Variants in CUL2 observed in about 807,000 individuals in gnomAD.
The protein encoded by CUL2 is cullin-2.
A neutral mutation model predicts 110.2 loss-of-function variants in CUL2; 22 were observed. The ratio of observed to expected loss-of-function variants is 0.20; its 90% CI spans 0.14 to 0.28. CUL2 has a LOEUF of 0.28. CUL2 is among the 10% of genes least tolerant of loss of function. The pLI, the probability that CUL2 is intolerant of heterozygous loss-of-function variation, is 1.00. For missense variants in CUL2, 631 were observed against 905.5 expected, an observed-to-expected ratio of 0.70 and a Z score of 3.89; for synonymous variants, 279 against 293.2, an observed-to-expected ratio of 0.95 and a Z score of 0.49.
chr10:35,106,931 G>C (rs1341371681), intron 1 of CUL2, among the ~76,000 whole-genome samples: 1 of 151,402 alleles, frequency 6.6e-6, no homozygotes, highest in Non-Finnish European at 1.5e-5. Context: ...GATAAATTAT[G>C]TCTGCATTGC....
At chr10:35,064,081 C>A (rs1254711077) in intron 2 of CUL2, 2 of 152,186 alleles carry the variant, frequency 1.3e-5, no homozygotes, top group East Asian at 3.9e-4. Context: ...AGTACGATGA[C>A]CACCACCAAG....
At chr10:35,043,850 C>T (rs540408377) in intron 8 of CUL2, among the ~76,000 whole-genome samples, 2 of 151,942 alleles carry the variant, frequency 1.3e-5, no homozygotes, top group African/African-American at 4.8e-5. Flanking sequence ...GAGGACTGCT[C>T]AAGTTGAGGA....
chr10:35,103,472 G>A (rs796619384), intron 1 of CUL2, among the ~76,000 whole-genome samples: 11 of 151,640 alleles, frequency 7.3e-5, no homozygotes, highest in South Asian at 2.1e-4. Flanking sequence ...CTACAGGCGC[G>A]CGCCACCATG....
chr10:35,037,457 T>C (rs1189411300), intron 9 of CUL2, among the ~76,000 whole-genome samples: 3 of 152,220 alleles, frequency 2.0e-5, no homozygotes, highest in African/African-American at 7.2e-5. Context: ...TTAAAGTCTT[T>C]CCATCATACT....
intron 17 of CUL2, among the ~76,000 whole-genome samples, chr10:35,018,311 A>AAG (rs1554853411): frequency 6.6e-6 from 1 of 151,000 alleles, no homozygotes. Flanking sequence ...AAAAAAAAAA[A>AAG]AAAGATGAAA....
In CUL2 at chr10:35,010,368, G is replaced by C; in HGVS notation, c.2181C>G (p.Asp727Glu). Reference protein sequence around the residue: ...MIKKCIEVLIDKQYIERSQAS... With the variant: ...MIKKCIEVLIEKQYIERSQAS... Reference sequence around the variant, plus strand: ...CCTGGCTGCGTTCTATGTATTGTTTGTCTATCAGAACTTCAATACACTTCT... The same window carrying C: ...CCTGGCTGCGTTCTATGTATTGTTTCTCTATCAGAACTTCAATACACTTCT... Residue 727 changes from aspartate to glutamate, a missense_variant, in exon 21 of 21, where the codon GAC becomes GAG. Asp to Glu is a conservative substitution (Grantham distance 45, BLOSUM62 2). Coordinates refer to ENST00000374749, the MANE Select transcript of CUL2 (RefSeq NM_003591.4). 1 of 1,611,862 alleles carries C rather than the reference G, an allele frequency of 6.2e-7. No homozygotes were observed. Among genetic ancestry groups the C allele is most frequent in the Non-Finnish European group, 8.5e-7 (1 of 1,179,066 alleles).
intron 4 of CUL2, 47 bp downstream of exon 4, chr10:35,060,827 T>C (rs1158764967): frequency 2.1e-6 from 3 of 1,456,476 alleles, no homozygotes; most frequent in Middle Eastern, 1.8e-4. Context: ...AACTACTGAA[T>C]GCAGGCAACG....
At chr10:35,052,614 TG>T (rs1487329286) in intron 5 of CUL2, among the ~76,000 whole-genome samples, 1 of 151,968 alleles carries the variant, frequency 6.6e-6, no homozygotes, top group African/African-American at 2.4e-5. Flanking sequence ...AATTAAAAAT[TG>T]GGGGGCGCGG....
At chr10:35,045,478 C>T (rs1204432699) in intron 6 of CUL2, among the ~76,000 whole-genome samples, 1 of 148,166 alleles carries the variant, frequency 6.7e-6, no homozygotes. Context: ...ACTCTGGAGG[C>T]TGAGGTGGGA....
intron 4 of CUL2, among the ~76,000 whole-genome samples, chr10:35,058,494 T>C (rs972953513): frequency 6.6e-6 from 1 of 152,144 alleles, no homozygotes; most frequent in African/African-American, 2.4e-5. Flanking sequence ...TCCAGATCTG[T>C]AGTCTAAAGT....
Position 35,029,614 on chromosome 10 carries a change from G to T in CUL2, c.1413C>A (p.Ser471Arg). The change falls in exon 15 of 21, where the codon AGC (serine) becomes AGA (arginine). Residue 471 changes from serine (S) to arginine (R), a missense_variant. By Grantham distance (110) the Ser-to-Arg change is moderately radical. Transcript: ENST00000374749. Reference sequence around the variant, plus strand: ...TATCTGTATACATCCGATGTAGCTTGCTGGTAAACTCATAACCACAGGCTT... The same window carrying T: ...TATCTGTATACATCCGATGTAGCTTTCTGGTAAACTCATAACCACAGGCTT... ...LKQACGYEFTSKLHRMYTDMS... is the reference protein window; with the variant it reads ...LKQACGYEFTRKLHRMYTDMS... 6.3e-7 allele frequency: 1 copy of T among 1,590,512 alleles called. No homozygotes were observed. The highest frequency in any genetic ancestry group is 8.5e-7 in the Non-Finnish European group (1 of 1,173,272).
rs1235985831 is a variant in CUL2, at chr10:35,016,210, A to C, written c.1869T>G (p.Ile623Met). ...TIKSLLDVKM[I>M]NHDSEKEDID... ...TACATACCTTTTCTGAATCATGGTTAATCATTTTCACATCAAGTAATGATT... is the reference window on the plus strand; with the variant it reads ...TACATACCTTTTCTGAATCATGGTTCATCATTTTCACATCAAGTAATGATT... The change falls in exon 18 of 21, where the codon ATT becomes ATG. Residue 623 changes from isoleucine (I) to methionine (M), a missense_variant. By Grantham distance (10) the Ile-to-Met change is conservative. Transcript: ENST00000374749. 1 of 1,613,574 alleles carries C rather than the reference A, an allele frequency of 6.2e-7. No individual in the cohort carries two copies. The highest frequency in any genetic ancestry group is 8.5e-7 in the Non-Finnish European group (1 of 1,179,638).
chr10:35,104,613 T>C (rs955434626), intron 1 of CUL2, among the ~76,000 whole-genome samples: 2 of 152,146 alleles, frequency 1.3e-5, no homozygotes. Flanking sequence ...TAGGAAACCA[T>C]AGTAATGTGC....
At chr10:35,043,440 TCAAA>T (rs2085846602) in intron 8 of CUL2, among the ~76,000 whole-genome samples, 1 of 152,098 alleles carries the variant, frequency 6.6e-6, no homozygotes, top group Non-Finnish European at 1.5e-5. Flanking sequence ...AGGAAGATAA[TCAAA>T]CAACTAAGAC....
intron 17 of CUL2, among the ~76,000 whole-genome samples, chr10:35,023,019 G>C (rs1327817935): frequency 6.6e-6 from 1 of 152,116 alleles, no homozygotes; most frequent in Non-Finnish European, 1.5e-5. Context: ...CTCCAGCCTG[G>C]GTGACAGAGC....
rs1449695058 is a variant in CUL2, at chr10:35,100,583, G to A, written c.167+261C>T. On this transcript the variant is annotated intron_variant, in intron 2 of 5. Transcript: ENST00000685421. ...TTAAGACCAGCCTGGCCAACATGGC[G>A]AAACCTCGTCTCTACTAAAAATAGA... Among the ~76,000 whole-genome samples, 10 of 152,032 alleles carry A rather than the reference G, an allele frequency of 6.6e-5. No homozygotes were observed. The East Asian group carries it at 9.7e-4, about 15-fold the overall frequency.
chr10:35,067,018 G>A (rs748915051), intron 2 of CUL2, among the ~76,000 whole-genome samples: 17 of 151,726 alleles, frequency 1.1e-4, no homozygotes, highest in African/African-American at 3.6e-4. Flanking sequence ...GTGTGGTAGC[G>A]CATGCCTGTA....
At chr10:35,089,466 T>A (rs1260044136) in intron 1 of CUL2, among the ~76,000 whole-genome samples, 1 of 152,228 alleles carries the variant, frequency 6.6e-6, no homozygotes, top group South Asian at 2.1e-4. Flanking sequence ...TCACAATCTA[T>A]AGCGAACGTT....
chr10:35,034,744 T>C (rs950338964), intron 10 of CUL2, among the ~76,000 whole-genome samples: 2 of 152,178 alleles, frequency 1.3e-5, no homozygotes, highest in Non-Finnish European at 2.9e-5. Context: ...TTACAGAAGA[T>C]TATTTTAATC....
Sources: gnomAD v4.1 joint callset for allele counts (sites outside exome capture counted in the v4.1 genomes callset) on GRCh38, gnomAD v4.1.1 for gene constraint, MANE v1.5 for transcripts, NCBI Gene and HGNC (gene_info 2026-07-23, HGNC 2026-07-21) for gene names.